The following EEF1E1 variants were observed in gnomAD, a reference collection of about 807,000 sequenced individuals.
The protein encoded by EEF1E1 is eukaryotic translation elongation factor 1 epsilon 1, also known as eukaryotic translation elongation factor 1 epsilon-1.
In EEF1E1, 19 loss-of-function variants were observed where a neutral mutation model predicts 19.9. The observed-to-expected ratio is 0.95, with a 90% CI of 0.66 to 1.40. EEF1E1 has a LOEUF of 1.40. EEF1E1 is among the 40% of genes most tolerant of loss of function. The pLI is 0.00. For synonymous variants in EEF1E1, 81 were observed against 80.0 expected (o/e 1.01, Z -0.07); for missense variants, 198 against 202.2 (o/e 0.98, Z 0.13).
downstream of EEF1E1, among the ~76,000 whole-genome samples, chr6:8,075,169 A>G (rs1392226888): frequency 6.6e-6 from 1 of 152,224 alleles, no homozygotes; most frequent in Non-Finnish European, 1.5e-5. Context: ...CCGAGTGGTT[A>G]GCATGAAAGG....
chr6:8,101,715 A>G, intron 1 of EEF1E1: 2 of 1,279,576 alleles, frequency 1.6e-6, no homozygotes, highest in South Asian at 2.5e-5. Context: ...TACGACAAAC[A>G]ACTATAAAAC....
intron 3 of EEF1E1, among the ~76,000 whole-genome samples, chr6:8,085,307 C>G (rs1215438478): frequency 2.0e-5 from 3 of 149,088 alleles, no homozygotes; most frequent in African/African-American, 7.4e-5. Context: ...AGCTACCACG[C>G]CTGGTTAATG....
rs768224090 is a variant in EEF1E1, at chr6:8,099,791, C to CACACACAA, written c.88-2325_88-2324insTTGTGTGT. On this transcript the variant is annotated intron_variant, in intron 1 of 3. Transcript: ENST00000379715. ...ACACACACACACACACACACACACA[C>CACACACAA]AAAAAAAAAACAGAACCCTCTATAA... Among the ~76,000 whole-genome samples, 882 of 114,496 alleles carry CACACACAA rather than the reference C, an allele frequency of 7.7e-3. 17 individuals carry two copies. The highest frequency in any genetic ancestry group is 0.025 in the African/African-American group (750 of 29,984). The allele number at this position is 114,496 out of a possible 152,430, so 75.1% of individuals were successfully genotyped here.
chr6:8,075,170 G>A (rs572935443), downstream of EEF1E1, among the ~76,000 whole-genome samples: 2 of 152,282 alleles, frequency 1.3e-5, no homozygotes, highest in Admixed American at 1.3e-4. Context: ...CGAGTGGTTA[G>A]CATGAAAGGT....
At chr6:8,081,727 C>G (rs1757727892) in intron 3 of EEF1E1, among the ~76,000 whole-genome samples, 1 of 152,122 alleles carries the variant, frequency 6.6e-6, no homozygotes, top group South Asian at 2.1e-4. Flanking sequence ...AGCTTTCTTA[C>G]CAAAAATGAA....
At chr6:8,082,154 C>A (rs1178363132) in intron 3 of EEF1E1, among the ~76,000 whole-genome samples, 3 of 152,178 alleles carry the variant, frequency 2.0e-5, no homozygotes, top group African/African-American at 7.2e-5. Flanking sequence ...TATTCTCCAA[C>A]TTAAACATTT....
intron 2 of EEF1E1, among the ~76,000 whole-genome samples, chr6:8,096,854 C>G (rs1439032322): frequency 1.3e-5 from 2 of 151,994 alleles, no homozygotes; most frequent in African/African-American, 2.4e-5. Context: ...AAACTAAACC[C>G]TAAAAGATTC....
chr6:8,098,965 A>G (rs963641733), intron 1 of EEF1E1, among the ~76,000 whole-genome samples: 2 of 152,256 alleles, frequency 1.3e-5, no homozygotes, highest in African/African-American at 2.4e-5. Context: ...CTTCTAAGAT[A>G]AGGTAAGTCA....
intron 2 of EEF1E1, among the ~76,000 whole-genome samples, chr6:8,092,169 C>T (rs73719908): frequency 0.11 from 17,173 of 152,146 alleles, 1,182 homozygotes; most frequent in South Asian, 0.2. Context: ...CTCCTAACTC[C>T]ATAACTTTGG....
chr6:8,092,566 A>AG (rs1758041891), intron 2 of EEF1E1, among the ~76,000 whole-genome samples: 1 of 152,216 alleles, frequency 6.6e-6, no homozygotes, highest in Non-Finnish European at 1.5e-5. Context: ...CAAATGAGAC[A>AG]GGCATGGAAG....
intron 1 of EEF1E1, chr6:8,102,075 G>T: frequency 8.4e-7 from 1 of 1,191,326 alleles, no homozygotes; most frequent in Non-Finnish European, 1.1e-6. Flanking sequence ...CTGAATGAAA[G>T]GTGCGATTAC....
rs1323095423 is a variant in EEF1E1, at chr6:8,086,721, T to C, written c.384+3465A>G. 2.0e-5 allele frequency among the ~76,000 whole-genome samples: 3 copies of C among 152,204 alleles called. No homozygotes were observed. In the East Asian group the frequency reaches 5.8e-4, roughly 29 times the overall value. ...CAATAACACTGGTCCTATTTCCTTC[T>C]TAGTGATGAGGTACAGTGAGAAAGT... On this transcript the variant is annotated intron_variant, in intron 3 of 3. Coordinates refer to ENST00000379715, the MANE Select transcript of EEF1E1 (RefSeq NM_004280.5).
At chr6:8,077,418 T>C (rs1757626373), downstream of EEF1E1, among the ~76,000 whole-genome samples, 1 of 152,214 alleles carries the variant, frequency 6.6e-6, no homozygotes, top group South Asian at 2.1e-4. Context: ...CTAGGTGGCA[T>C]CTTCTGTTAA....
chr6:8,075,536 C>T (rs900308627), downstream of EEF1E1, among the ~76,000 whole-genome samples: 4 of 152,174 alleles, frequency 2.6e-5, no homozygotes, highest in African/African-American at 9.7e-5. Flanking sequence ...TCTAAAACCA[C>T]AATGTATGCA....
chr6:8,100,834 A>C (rs184707999), intron 1 of EEF1E1, among the ~76,000 whole-genome samples: 5 of 150,918 alleles, frequency 3.3e-5, no homozygotes, highest in African/African-American at 9.7e-5. Flanking sequence ...CTCACCCACG[A>C]CAGTCCATGA....
intron 1 of EEF1E1, among the ~76,000 whole-genome samples, chr6:8,098,408 G>A (rs1307769232): frequency 1.3e-5 from 2 of 152,058 alleles, no homozygotes; most frequent in Admixed American, 6.5e-5. Context: ...GTGAGCCACC[G>A]CGCCCGGCCG....
At chr6:8,077,165 G>C (rs149214145), downstream of EEF1E1, among the ~76,000 whole-genome samples, 6,594 of 151,548 alleles carry the variant, frequency 0.044, 210 homozygotes, top group Middle Eastern at 0.075. Flanking sequence ...GGATTGTCTC[G>C]ATCTCCTGAC....
intron 3 of EEF1E1, among the ~76,000 whole-genome samples, chr6:8,088,025 T>C (rs955855977): frequency 6.6e-6 from 1 of 152,160 alleles, no homozygotes; most frequent in Non-Finnish European, 1.5e-5. Context: ...GTTCCACCAC[T>C]TACTTGGGCA....
intron 1 of EEF1E1, chr6:8,102,041 T>C (rs1758380603): frequency 8.5e-7 from 1 of 1,179,676 alleles, no homozygotes; most frequent in African/African-American, 1.6e-5. Context: ...CCCTGTTAGC[T>C]ATAACGGAGT....
Sources: allele counts gnomAD v4.1 joint callset (sites outside exome capture counted in the v4.1 genomes callset), GRCh38; gene constraint gnomAD v4.1.1; transcripts MANE v1.5; gene names NCBI Gene and HGNC (gene_info 2026-07-23, HGNC 2026-07-21).